Variants in KIF18A observed in about 807,000 individuals in gnomAD.
KIF18A encodes the protein kinesin family member 18A, also known as kinesin-like protein KIF18A.
KIF18A carries 67 observed loss-of-function variants against 103.3 expected under a neutral mutation model. That is an observed-to-expected ratio of 0.65 (90% CI 0.53 to 0.79). The LOEUF (loss-of-function observed/expected upper bound fraction) is 0.79. Ranked by LOEUF, KIF18A falls within the 30% of genes least tolerant of loss-of-function variation. KIF18A has a pLI of 0.00. For synonymous variants in KIF18A, 367 were observed against 355.5 expected, an observed-to-expected ratio of 1.03 and a Z score of -0.36; for missense variants, 1,032 against 1,062.5, an observed-to-expected ratio of 0.97 and a Z score of 0.40.
chr11:28,074,585 A>C (rs1851064992), intron 10 of KIF18A, among the ~76,000 whole-genome samples: 1 of 152,186 alleles, frequency 6.6e-6, no homozygotes, highest in African/African-American at 2.4e-5. Context: ...AACTGGTATC[A>C]ATGATACATT....
intron 2 of KIF18A, chr11:28,097,225 A>G (rs1207987659): frequency 6.0e-6 from 1 of 165,630 alleles, no homozygotes; most frequent in Non-Finnish European, 1.3e-5. Context: ...AACTGCTGAA[A>G]AGAAACTGTC....
intron 10 of KIF18A, among the ~76,000 whole-genome samples, chr11:28,075,417 T>C (rs1851076427): frequency 6.6e-6 from 1 of 152,196 alleles, no homozygotes; most frequent in Non-Finnish European, 1.5e-5. Context: ...CATGGGGTTT[T>C]CTGAGAATTA....
At chr11:28,097,580 T>G in intron 2 of KIF18A, 43 bp downstream of exon 2, 1 of 1,287,016 alleles carries the variant, frequency 7.8e-7, no homozygotes, top group Non-Finnish European at 1.1e-6. Context: ...AATGCAAAAG[T>G]GAAATCGGAT....
intron 9 of KIF18A, among the ~76,000 whole-genome samples, chr11:28,079,017 G>A (rs1461430985): frequency 6.6e-6 from 1 of 151,912 alleles, no homozygotes. Flanking sequence ...TTAACATATT[G>A]CCAGAATTAA....
At chr11:28,090,996 C>T (rs903425540) in intron 4 of KIF18A, among the ~76,000 whole-genome samples, 2 of 151,882 alleles carry the variant, frequency 1.3e-5, no homozygotes, top group South Asian at 2.1e-4. Context: ...GAAAGAAAAG[C>T]TCACTCATTG....
rs932772882 is a variant in KIF18A, at chr11:28,084,577, T to C, written c.1074+55A>G. On this transcript the variant is annotated intron_variant, in intron 7 of 16. Coordinates refer to ENST00000263181, the MANE Select transcript of KIF18A (RefSeq NM_031217.4). ...TGAATTAATACTTTCATTACAATTA[T>C]AAAAATCATATGCAGACAATACCTT... The C allele has an allele frequency of 6.7e-6, 9 of 1,352,574 alleles. No individual in the cohort carries two copies. The African/African-American group carries it at 1.2e-4, about 18-fold the overall frequency. 83.8% of individuals were successfully genotyped at this position (1,352,574 alleles called of 1,614,324 possible).
At chr11:28,034,647 G>A (rs918001620) in intron 15 of KIF18A, among the ~76,000 whole-genome samples, 3 of 151,708 alleles carry the variant, frequency 2.0e-5, no homozygotes, top group Non-Finnish European at 4.4e-5. Flanking sequence ...ATACCTTGAG[G>A]ACAAAACCTG....
At chr11:28,028,675 G>C (rs569514699) in intron 15 of KIF18A, among the ~76,000 whole-genome samples, 42 of 152,090 alleles carry the variant, frequency 2.8e-4, no homozygotes, top group African/African-American at 9.4e-4. Context: ...AAATAACTAA[G>C]ATCAGAGCAG....
chr11:28,069,198 G>C lies in KIF18A; in HGVS notation c.1590+61C>G, dbSNP rs370420432. 2.3e-6 allele frequency: 3 copies of C among 1,288,740 alleles called. 1 individual carries two copies. The highest frequency in any genetic ancestry group is 1.5e-5 in the African/African-American group (1 of 67,602). 79.8% of individuals were successfully genotyped at this position (1,288,740 alleles called of 1,614,324 possible). A position where few individuals can be genotyped will look rare whatever the true frequency, so the allele number is the denominator to read the frequency against. ...AAAGACATTTACTCAATAAGAAAAA[G>C]AACACATTTTAGGAGCTCAGTTCCT... On this transcript the variant is annotated intron_variant, in intron 11 of 16. Coordinates refer to ENST00000263181, the MANE Select transcript of KIF18A (RefSeq NM_031217.4).
chr11:28,049,712 G>A (rs1231528603), intron 13 of KIF18A, among the ~76,000 whole-genome samples: 2 of 151,948 alleles, frequency 1.3e-5, no homozygotes, highest in Non-Finnish European at 2.9e-5. Flanking sequence ...AAGTTCTAAA[G>A]TGAAATCAAA....
At chr11:28,105,454 T>A (rs994562387) in intron 1 of KIF18A, among the ~76,000 whole-genome samples, 1 of 152,202 alleles carries the variant, frequency 6.6e-6, no homozygotes, top group African/African-American at 2.4e-5. Flanking sequence ...AAAACGAAGA[T>A]GTACAATGTG....
Position 28,082,844 on chromosome 11 carries a change from T to A in KIF18A, c.1262+12A>T, listed in dbSNP as rs765252732. 4 of 1,460,058 alleles carry A rather than the reference T, an allele frequency of 2.7e-6. No individual in the cohort carries two copies. Among genetic ancestry groups the A allele is most frequent in the Middle Eastern group, 1.8e-4 (1 of 5,640 alleles). The allele number at this position is 1,460,058 out of a possible 1,614,324, so 90.4% of individuals were successfully genotyped here. On this transcript the variant is annotated intron_variant, in intron 9 of 16. Coordinates refer to ENST00000263181, the MANE Select transcript of KIF18A (RefSeq NM_031217.4). The stretch of plus-strand genomic sequence containing the variant: ...TAAATTCCTCAAAATTAGATCTTAA[T>A]GTAATGTTTACCTTTCGATTTCTTT...
intron 10 of KIF18A, among the ~76,000 whole-genome samples, chr11:28,072,501 G>C (rs935134734): frequency 5.3e-5 from 8 of 152,082 alleles, no homozygotes; most frequent in Non-Finnish European, 7.4e-5. Context: ...CCTTGCCTTA[G>C]AAAAGCAGTT....
intron 14 of KIF18A, 40 bp downstream of exon 14, chr11:28,036,177 T>C (rs752305728): frequency 1.5e-6 from 2 of 1,336,470 alleles, no homozygotes; most frequent in Admixed American, 2.3e-5. Context: ...TGAAAGTCTA[T>C]GTTAAAAAAA....
intron 10 of KIF18A, among the ~76,000 whole-genome samples, chr11:28,075,212 C>G (rs1392124121): frequency 2.0e-5 from 3 of 152,058 alleles, no homozygotes; most frequent in African/African-American, 7.2e-5. Flanking sequence ...TTATCTTTAT[C>G]CTGCATTTGG....
At chr11:28,045,586 T>C (rs1850621227) in intron 13 of KIF18A, among the ~76,000 whole-genome samples, 1 of 151,996 alleles carries the variant, frequency 6.6e-6, no homozygotes, top group African/African-American at 2.4e-5. Flanking sequence ...TTGCATACTT[T>C]ATGTATATAT....
chr11:28,061,031 T>C (rs1850850702), intron 12 of KIF18A, among the ~76,000 whole-genome samples: 2 of 152,194 alleles, frequency 1.3e-5, no homozygotes, highest in Non-Finnish European at 2.9e-5. Flanking sequence ...TGTAGCCTCT[T>C]GCTGAAATAA....
intron 10 of KIF18A, among the ~76,000 whole-genome samples, chr11:28,072,914 C>G (rs539486781): frequency 1.3e-5 from 2 of 152,026 alleles, no homozygotes; most frequent in African/African-American, 4.8e-5. Context: ...TTACATAGTC[C>G]AAGCTCATTA....
chr11:28,098,238 ACTACGATAAAAAT>A (rs1851400917), intron 1 of KIF18A, among the ~76,000 whole-genome samples: 1 of 152,096 alleles, frequency 6.6e-6, no homozygotes, highest in Non-Finnish European at 1.5e-5. Flanking sequence ...CGTACACACA[ACTACGATAAAAAT>A]CTCTTTACCT....
Sources: allele counts gnomAD v4.1 joint callset (sites outside exome capture counted in the v4.1 genomes callset), GRCh38; gene constraint gnomAD v4.1.1; transcripts MANE v1.5; gene names NCBI Gene and HGNC (gene_info 2026-07-23, HGNC 2026-07-21).